NXN: variants seen among roughly 807,000 people sequenced by gnomAD.
NXN encodes the protein nucleoredoxin.
In NXN, 16 loss-of-function variants were observed where a neutral mutation model predicts 48.6. That is an observed-to-expected ratio of 0.33 (90% CI 0.22 to 0.50). The LOEUF (loss-of-function observed/expected upper bound fraction) is 0.50, where lower values mean the gene tolerates loss of function less well. Ranked by LOEUF, NXN falls within the 20% of genes least tolerant of loss-of-function variation. The probability of loss-of-function intolerance (pLI) is 0.98; values close to 1 mark genes in which losing one functional copy is unlikely to be tolerated. For synonymous variants in NXN, 281 were observed against 269.6 expected (o/e 1.04, Z -0.41); for missense variants, 492 against 605.5 (o/e 0.81, Z 1.97).
chr17:812,250 C>T (rs969621035), intron 5 of NXN, among the ~76,000 whole-genome samples: 2 of 152,116 alleles, frequency 1.3e-5, no homozygotes, highest in African/African-American at 4.8e-5. Context: ...TTCACCCGAG[C>T]CTGTCAGAAC....
chr17:974,433 A>G (rs573315294), intron 1 of NXN, among the ~76,000 whole-genome samples: 1 of 152,228 alleles, frequency 6.6e-6, no homozygotes, highest in South Asian at 2.1e-4. Flanking sequence ...ATAGATTCCC[A>G]AGGCTCAAGC....
intron 1 of NXN, among the ~76,000 whole-genome samples, chr17:954,612 C>A (rs565487314): frequency 1.3e-5 from 2 of 152,358 alleles, no homozygotes; most frequent in Admixed American, 6.5e-5. Context: ...ATTCCCACGA[C>A]CCCAGGCCCC....
intron 1 of NXN, among the ~76,000 whole-genome samples, chr17:909,415 C>A (rs2068612873): frequency 1.3e-5 from 2 of 152,020 alleles, no homozygotes; most frequent in South Asian, 4.1e-4. Flanking sequence ...TTTGGACAGA[C>A]CTGCACTGTT....
At position 844,222 on chromosome 17, in the gene NXN, A is replaced by G. The variant is rs113773775; in HGVS notation, c.361-18144T>C. 5.5e-3 allele frequency among the ~76,000 whole-genome samples: 735 copies of G among 133,452 alleles called. 4 individuals carry two copies. Among genetic ancestry groups the G allele is most frequent in the African/African-American group, 0.019 (667 of 34,332 alleles). 87.5% of individuals were successfully genotyped at this position (133,452 alleles called of 152,430 possible). A position where few individuals can be genotyped will look rare whatever the true frequency, so the allele number is the denominator to read the frequency against. On this transcript the variant is annotated intron_variant, in intron 1 of 7. Coordinates refer to ENST00000336868, the MANE Select transcript of NXN (RefSeq NM_022463.5). ...CTACGTCCCATCCTGCCTCTCCTTA[A>G]CTGGAAGGTGGGAGACCAGGCCATC...
At chr17:938,583 G>A (rs370611101) in intron 1 of NXN, among the ~76,000 whole-genome samples, 10 of 149,500 alleles carry the variant, frequency 6.7e-5, no homozygotes, top group East Asian at 3.9e-4. Flanking sequence ...CTTGGGAGGC[G>A]GAGGCAGGAG....
In NXN at chr17:978,118, A is replaced by C. The variant is rs2150649150; in HGVS notation, c.360+1201T>G. 6.6e-6 allele frequency among the ~76,000 whole-genome samples: 1 copy of C among 152,308 alleles called. No homozygotes were observed. The highest frequency in any genetic ancestry group is 2.4e-5 in the African/African-American group (1 of 41,562). On this transcript the variant is annotated intron_variant, in intron 1 of 7. Coordinates refer to ENST00000336868, the MANE Select transcript of NXN (RefSeq NM_022463.5). The surrounding 1 kb of genome is among the most constrained non-coding windows in gnomAD (Gnocchi z 4.1). ...CATGCTTCTCAACAAGATTCTGCACATATAAAAGGAACACGTGGCACGCCT... is the reference window on the plus strand; with the variant it reads ...CATGCTTCTCAACAAGATTCTGCACCTATAAAAGGAACACGTGGCACGCCT...
intron 1 of NXN, among the ~76,000 whole-genome samples, chr17:879,722 T>C (rs1434569017): frequency 6.6e-6 from 1 of 152,176 alleles, no homozygotes; most frequent in Admixed American, 6.5e-5. Flanking sequence ...GGGCGTCACC[T>C]TTCTGCATCT....
rs1283946189 is a variant in NXN, at chr17:841,549, G to A, written c.361-15471C>T. On this transcript the variant is annotated intron_variant, in intron 1 of 7. Coordinates refer to ENST00000336868, the MANE Select transcript of NXN (RefSeq NM_022463.5). The stretch of plus-strand genomic sequence containing the variant: ...CCCGACCATGGAGCATCTCACGCCG[G>A]CGAGCAGGTCCCCCCTGACCACGGA... Among the ~76,000 whole-genome samples, 23 of 85,718 alleles carry A rather than the reference G, an allele frequency of 2.7e-4. 1 individual carries two copies. Among genetic ancestry groups the A allele is most frequent in the East Asian group, 1.2e-3 (4 of 3,384 alleles). The allele number at this position is 85,718 out of a possible 152,430, so 56.2% of individuals were successfully genotyped here.
At chr17:953,902 C>T (rs866908577) in intron 1 of NXN, among the ~76,000 whole-genome samples, 9 of 152,100 alleles carry the variant, frequency 5.9e-5, no homozygotes, top group Non-Finnish European at 1.3e-4. Context: ...TGCCACTGCA[C>T]CCCAGCCTGC....
At chr17:933,096 C>A (rs762614915) in intron 1 of NXN, among the ~76,000 whole-genome samples, 9 of 152,100 alleles carry the variant, frequency 5.9e-5, no homozygotes, top group African/African-American at 2.2e-4. Context: ...TCTGGGGCCA[C>A]GAGGACCGAG....
rs34972034 is a variant in NXN at position 937,140 on chromosome 17, G to C, written c.360+42179C>G. ...TGGGATTACAGGCACCCAGCACCAC[G>C]CCCGGCTGATTTTTTGTATTTTTTG... is the stretch of plus-strand genomic sequence containing the variant. On this transcript the variant is annotated intron_variant, in intron 1 of 7. Coordinates refer to ENST00000336868, the MANE Select transcript of NXN (RefSeq NM_022463.5). Among the ~76,000 whole-genome samples the C allele has an allele frequency of 2.0e-5, 3 of 152,070 alleles. No individual in the cohort carries two copies. The South Asian group carries it at 6.2e-4, about 32-fold the overall frequency.
chr17:823,115 G>A (rs59626430), intron 3 of NXN, among the ~76,000 whole-genome samples: 23,745 of 145,442 alleles, frequency 0.16, 2,051 homozygotes, highest in Non-Finnish European at 0.17. Context: ...AAAAAAAAAG[G>A]GGGCCAGGCA....
At chr17:842,996 G>GAA (rs1377420122) in intron 1 of NXN, among the ~76,000 whole-genome samples, 30 of 103,724 alleles carry the variant, frequency 2.9e-4, no homozygotes, top group African/African-American at 9.1e-4. Context: ...AAGAGAGAAA[G>GAA]AGAGAAAGAG....
Position 979,525 on chromosome 17 carries a change from TG to T in NXN, c.153del (p.Ser52AlafsTer84). The T allele has an allele frequency of 7.7e-7, 1 of 1,294,046 alleles. No homozygotes were observed. The highest frequency in any genetic ancestry group is 9.9e-7 in the Non-Finnish European group (1 of 1,014,716). The allele number at this position is 1,294,046 out of a possible 1,614,324, so 80.2% of individuals were successfully genotyped here. A position where few individuals can be genotyped will look rare whatever the true frequency, so the allele number is the denominator to read the frequency against. On this transcript the variant is annotated frameshift_variant, in exon 1 of 8. Transcript: ENST00000336868. LOFTEE classifies it high-confidence loss of function. Reference sequence around the variant, plus strand: ...AGGCGCCCGTAGAAGGCGGCCAGGCTGGCGCTGAGCTGCGCGCAGGGGGCGC... The same window carrying T: ...AGGCGCCCGTAGAAGGCGGCCAGGCTGCGCTGAGCTGCGCGCAGGGGGCGC... ...SLSAPCAQLS[A>X]SLAAFYGRLR...
chr17:908,742 T>G (rs587001), intron 1 of NXN, among the ~76,000 whole-genome samples: 34,030 of 152,026 alleles, frequency 0.22, 3,937 homozygotes, highest in East Asian at 0.27. Context: ...CAGGTGCCAT[T>G]AGGTGTAGGA....
chr17:858,916 A>G (rs2068014468), intron 1 of NXN, among the ~76,000 whole-genome samples: 1 of 152,116 alleles, frequency 6.6e-6, no homozygotes, highest in African/African-American at 2.4e-5. Flanking sequence ...TTTCTATCCC[A>G]TAGCCAGCCA....
chr17:834,382 G>C (rs989388399), intron 1 of NXN, among the ~76,000 whole-genome samples: 1 of 152,164 alleles, frequency 6.6e-6, no homozygotes, highest in African/African-American at 2.4e-5. Flanking sequence ...TTTACATCCA[G>C]TGTTTGCTCT....
At chr17:812,669 TGTGA>T (rs1912158975) in intron 5 of NXN, among the ~76,000 whole-genome samples, 1 of 150,480 alleles carries the variant, frequency 6.6e-6, no homozygotes, top group Non-Finnish European at 1.5e-5. Context: ...TGTAGGTGTG[TGTGA>T]GTGTAGGTGT....
At chr17:971,667 G>A (rs1268437000) in intron 1 of NXN, among the ~76,000 whole-genome samples, 3 of 151,698 alleles carry the variant, frequency 2.0e-5, no homozygotes, top group East Asian at 2.0e-4. Context: ...CCGAGATCGC[G>A]CCACTGCACT....
Sources: gnomAD v4.1 joint callset for allele counts (sites outside exome capture counted in the v4.1 genomes callset) on GRCh38, gnomAD v4.1.1 for gene constraint, Gnocchi (gnomAD v3.1) non-coding constraint, MANE v1.5 for transcripts, NCBI Gene and HGNC (gene_info 2026-07-23, HGNC 2026-07-21) for gene names.